Variants in CCDC171 observed in about 807,000 individuals in gnomAD.
CCDC171 encodes the protein coiled-coil domain containing 171.
In CCDC171, 177 loss-of-function variants were observed where a neutral mutation model predicts 168.2. The observed-to-expected ratio is 1.05, with a 90% CI of 0.93 to 1.19. CCDC171 has a LOEUF of 1.19. Ranked by LOEUF, CCDC171 falls within the 50% of genes most tolerant of loss-of-function variation. The probability of loss-of-function intolerance (pLI) is 0.00; values close to 1 mark genes in which losing one functional copy is unlikely to be tolerated. For missense variants in CCDC171, 1,991 were observed against 1,539.0 expected (o/e 1.29, Z -4.91); for synonymous variants, 687 against 540.8 (o/e 1.27, Z -3.75).
chr9:15,846,623 C>A, intron 21 of CCDC171, 79 bp from the exon 22 acceptor site: 2 of 1,452,602 alleles, frequency 1.4e-6, no homozygotes, highest in South Asian at 1.3e-5. Context: ...CTGTATTCTT[C>A]TTTGTTTAAT....
At chr9:15,851,233 G>T (rs1157068074) in intron 23 of CCDC171, among the ~76,000 whole-genome samples, 2 of 151,840 alleles carry the variant, frequency 1.3e-5, no homozygotes, top group Admixed American at 6.6e-5. Flanking sequence ...ACACAGAACA[G>T]TTGATTAGAT....
At chr9:16,008,267 A>C (rs1038727449) in intron 3 of CCDC171, among the ~76,000 whole-genome samples, 2 of 152,134 alleles carry the variant, frequency 1.3e-5, no homozygotes, top group Admixed American at 1.3e-4. Context: ...ATGTGAGGTA[A>C]GAGTTCAATT....
In CCDC171 at chr9:16,037,296, A is replaced by G. The variant is rs891354492; in HGVS notation, n.1181+1090A>G. On this transcript the variant is annotated intron_variant and non_coding_transcript_variant, in intron 8 of 9. Transcript: ENST00000486641. The stretch of plus-strand genomic sequence containing the variant: ...TTATCACATGTCTAAAAATAAATAC[A>G]TGGATGAATAAATGTGATTCTAGGC... Among the ~76,000 whole-genome samples the G allele has an allele frequency of 2.6e-5, 4 of 152,334 alleles. No individual in the cohort carries two copies. In the East Asian group the frequency reaches 7.7e-4, roughly 29 times the overall value.
At chr9:15,981,988 G>A (rs754853927) in intron 3 of CCDC171, among the ~76,000 whole-genome samples, 2 of 152,144 alleles carry the variant, frequency 1.3e-5, no homozygotes, top group African/African-American at 2.4e-5. Flanking sequence ...TTATACTTCT[G>A]TTAAGAGTCT....
At chr9:15,637,089 C>G (rs967127645) in intron 7 of CCDC171, among the ~76,000 whole-genome samples, 4 of 151,964 alleles carry the variant, frequency 2.6e-5, no homozygotes, top group African/African-American at 9.7e-5. Context: ...AACCCCATCT[C>G]TATTAAAAAT....
At chr9:15,731,938 G>A (rs1388304620) in intron 16 of CCDC171, among the ~76,000 whole-genome samples, 1 of 151,868 alleles carries the variant, frequency 6.6e-6, no homozygotes, top group Non-Finnish European at 1.5e-5. Context: ...CATTTTTTTG[G>A]TAATTCATGA....
At chr9:15,795,560 A>G (rs1460340832) in intron 21 of CCDC171, among the ~76,000 whole-genome samples, 1 of 152,196 alleles carries the variant, frequency 6.6e-6, no homozygotes, top group African/African-American at 2.4e-5. Flanking sequence ...AAATGATGAG[A>G]AGGAGCTGAA....
intron 11 of CCDC171, among the ~76,000 whole-genome samples, chr9:15,716,488 G>T (rs772808314): frequency 1.3e-5 from 2 of 151,924 alleles, no homozygotes; most frequent in Non-Finnish European, 2.9e-5. Context: ...ATTTTGTCAG[G>T]TTAAGGGACC....
chr9:15,783,471 C>A (rs1433076309), intron 20 of CCDC171, among the ~76,000 whole-genome samples: 1 of 152,114 alleles, frequency 6.6e-6, no homozygotes, highest in Non-Finnish European at 1.5e-5. Flanking sequence ...ACCTCACATC[C>A]TTTTTTACAA....
At chr9:15,914,670 A>G (rs3008692) in intron 24 of CCDC171, among the ~76,000 whole-genome samples, 113,403 of 151,682 alleles carry the variant, frequency 0.75, 43,982 homozygotes, top group East Asian at 0.86. Context: ...CTGTCTTGCT[A>G]GTGTTCCAGG....
In CCDC171 at chr9:15,597,083, A is replaced by G. The variant is rs539453183; in HGVS notation, c.675+2911A>G. ...GGTTTTCTAGTTATACAATCATGTC[A>G]TCTGCAAACAGGGACAATTTGACTT... is the stretch of plus-strand genomic sequence containing the variant. On this transcript the variant is annotated intron_variant, in intron 6 of 25. Transcript: ENST00000380701. 3.9e-4 allele frequency among the ~76,000 whole-genome samples: 60 copies of G among 152,246 alleles called. 1 individual carries two copies. In the East Asian group the frequency reaches 7.5e-3, roughly 19 times the overall value.
At chr9:15,945,308 T>A (rs1244985725) in intron 25 of CCDC171, among the ~76,000 whole-genome samples, 10 of 148,094 alleles carry the variant, frequency 6.8e-5, no homozygotes, top group Middle Eastern at 3.4e-3. Context: ...GTTCCAAGTC[T>A]TTGCTATTGT....
At chr9:15,862,555 G>C (rs891476610) in intron 23 of CCDC171, among the ~76,000 whole-genome samples, 1 of 150,220 alleles carries the variant, frequency 6.7e-6, no homozygotes, top group East Asian at 2.0e-4. Flanking sequence ...GTTTTATCTT[G>C]TTCCTTTTTT....
Position 15,657,141 on chromosome 9 carries a change from A to G in CCDC171, c.837A>G (p.Arg279=). 6.2e-7 allele frequency: 1 copy of G among 1,604,520 alleles called. No individual in the cohort carries two copies. Among genetic ancestry groups the G allele is most frequent in the Non-Finnish European group, 8.5e-7 (1 of 1,174,228 alleles). ...TTTGTTTTCAGGCAACTACTCTAAG[A>G]GTGAGGAAATTAGAAGAAAACATTG... ...LRKEFEATTL[R]VRKLEENIEA... The change falls in exon 8 of 26, where the codon AGA becomes AGG. Residue 279 remains arginine, a synonymous_variant. Coordinates refer to ENST00000380701, the MANE Select transcript of CCDC171 (RefSeq NM_173550.4).
At chr9:15,825,772 T>C (rs568101593) in intron 21 of CCDC171, among the ~76,000 whole-genome samples, 20 of 152,266 alleles carry the variant, frequency 1.3e-4, no homozygotes, top group African/African-American at 4.6e-4. Flanking sequence ...TCTGCAGCTA[T>C]TAGCAGCTAG....
At chr9:15,613,567 G>T (rs918371717) in intron 6 of CCDC171, among the ~76,000 whole-genome samples, 1 of 148,696 alleles carries the variant, frequency 6.7e-6, no homozygotes, top group Admixed American at 6.8e-5. Context: ...TCTGTCGCCA[G>T]GCTGGAGTGC....
the CCDC171 span, among the ~76,000 whole-genome samples, chr9:16,092,550 G>T: frequency 1.9e-4 from 29 of 152,264 alleles, no homozygotes; most frequent in Middle Eastern, 3.4e-3. Context: ...GCTAACAGAG[G>T]TTCTTTGCTA....
At chr9:16,101,544 C>T in the CCDC171 span, among the ~76,000 whole-genome samples, 2 of 152,350 alleles carry the variant, frequency 1.3e-5, no homozygotes, top group African/African-American at 4.8e-5. Flanking sequence ...TGCAATTAAG[C>T]TCACTAATCA....
chr9:15,938,897 T>C (rs1175022685), intron 25 of CCDC171, among the ~76,000 whole-genome samples: 1 of 151,856 alleles, frequency 6.6e-6, no homozygotes, highest in Non-Finnish European at 1.5e-5. Context: ...GAAAAAATAA[T>C]GCCATATGGA....
Sources: gnomAD v4.1 joint callset for allele counts (sites outside exome capture counted in the v4.1 genomes callset) on GRCh38, gnomAD v4.1.1 for gene constraint, MANE v1.5 for transcripts, NCBI Gene and HGNC (gene_info 2026-07-23, HGNC 2026-07-21) for gene names.